Variants in TTLL5 observed in about 807,000 individuals in gnomAD.
TTLL5 encodes the protein tubulin polyglutamylase TTLL5.
Under a neutral mutation model 168.4 loss-of-function variants are expected in TTLL5, and 132 were observed. That is an observed-to-expected ratio of 0.78 (90% CI 0.68 to 0.91). TTLL5 has a LOEUF of 0.91. Among genes scored for constraint, TTLL5 ranks in the 40% least tolerant of loss-of-function variants. The probability of loss-of-function intolerance (pLI) is 0.00; values close to 1 mark genes in which losing one functional copy is unlikely to be tolerated. For missense variants in TTLL5, 1,545 were observed against 1,581.5 expected, an observed-to-expected ratio of 0.98 and a Z score of 0.39; for synonymous variants, 546 against 558.6, an observed-to-expected ratio of 0.98 and a Z score of 0.32.
chr14:75,845,467 T>C (rs1039288942), intron 28 of TTLL5, among the ~76,000 whole-genome samples: 10 of 152,204 alleles, frequency 6.6e-5, no homozygotes, highest in African/African-American at 2.4e-4. Flanking sequence ...AATTTTTATA[T>C]TGTTTGAAAT....
intron 31 of TTLL5, among the ~76,000 whole-genome samples, chr14:75,950,791 A>G (rs4243649): frequency 0.79 from 119,650 of 151,934 alleles, 47,154 homozygotes; most frequent in Admixed American, 0.83. Context: ...AACATAGGGA[A>G]ACCTTGTCTC....
chr14:75,681,744 G>GCAT, intron 4 of TTLL5, 117 bp downstream of exon 4: 1 of 787,500 alleles, frequency 1.3e-6, no homozygotes, highest in Non-Finnish European at 2.1e-6. Context: ...CCAATGCTTA[G>GCAT]TGGTGGTCCA....
At position 75,954,478 on chromosome 14, in the gene TTLL5, C is replaced by T. The variant is rs764459923; in HGVS notation, c.*32C>T. 1.2e-6 allele frequency: 2 copies of T among 1,612,854 alleles called. No homozygotes were observed. The highest frequency in any genetic ancestry group is 1.3e-5 in the African/African-American group (1 of 74,968). On this transcript the variant is annotated 3_prime_UTR_variant, in exon 32 of 32. Coordinates refer to ENST00000298832, the MANE Select transcript of TTLL5 (RefSeq NM_015072.5). ...AACACACAGAGAAACAACCTGTTCA[C>T]CACTCCTGGGTGCATGATTGAGGGT...
At chr14:75,829,762 A>T (rs993682338) in intron 28 of TTLL5, among the ~76,000 whole-genome samples, 2 of 152,188 alleles carry the variant, frequency 1.3e-5, no homozygotes, top group Non-Finnish European at 2.9e-5. Flanking sequence ...AAAAAAGAAG[A>T]TAATGTGCAA....
At chr14:75,869,821 A>ATTTTTTTTTTTTTTT (rs10658095) in intron 29 of TTLL5, among the ~76,000 whole-genome samples, 2,115 of 82,306 alleles carry the variant, frequency 0.026, 400 homozygotes, top group East Asian at 0.034. Flanking sequence ...TTCAACAAGT[A>ATTTTTTTTTTTTTTT]TTTTTTTTTT....
intron 30 of TTLL5, among the ~76,000 whole-genome samples, chr14:75,884,203 ACT>A (rs1358581589): frequency 4.6e-5 from 7 of 152,096 alleles, no homozygotes; most frequent in African/African-American, 1.4e-4. Flanking sequence ...CTAAAACCAC[ACT>A]CTCCTTCACA....
At position 75,910,613 on chromosome 14, in the gene TTLL5, A is replaced by C. The variant is rs796843751; in HGVS notation, c.3823+8389A>C. Among the ~76,000 whole-genome samples the C allele has an allele frequency of 6.6e-5, 10 of 152,326 alleles. 1 individual carries two copies. Among genetic ancestry groups the C allele is most frequent in the African/African-American group, 2.4e-4 (10 of 41,588 alleles). ...TTCTAAAGAAAGAAAATGACATGCTAAGCCACGCCTGTCTTTGGAAAAAGC... is the reference window on the plus strand; with the variant it reads ...TTCTAAAGAAAGAAAATGACATGCTCAGCCACGCCTGTCTTTGGAAAAAGC... On this transcript the variant is annotated intron_variant, in intron 31 of 31. Transcript: ENST00000298832.
intron 7 of TTLL5, among the ~76,000 whole-genome samples, chr14:75,702,420 A>G (rs1367850510): frequency 6.6e-6 from 1 of 152,220 alleles, no homozygotes; most frequent in Non-Finnish European, 1.5e-5. Flanking sequence ...GCCAAATGGA[A>G]TTGCTATTGA....
chr14:75,935,005 T>C (rs1167421065), intron 31 of TTLL5, among the ~76,000 whole-genome samples: 1 of 152,170 alleles, frequency 6.6e-6, no homozygotes, highest in East Asian at 1.9e-4. Context: ...TAAGAACTAA[T>C]AGGAAGAACT....
chr14:75,937,359 C>T (rs1042348629), intron 31 of TTLL5, among the ~76,000 whole-genome samples: 17 of 151,782 alleles, frequency 1.1e-4, no homozygotes, highest in African/African-American at 3.4e-4. Flanking sequence ...AACTCCTGAC[C>T]TTGTGATCTA....
chr14:75,925,768 A>G (rs1425520643), intron 31 of TTLL5, among the ~76,000 whole-genome samples: 1 of 152,058 alleles, frequency 6.6e-6, no homozygotes, highest in Non-Finnish European at 1.5e-5. Context: ...ACCATTGAGC[A>G]CTGAGTGAAC....
intron 31 of TTLL5, among the ~76,000 whole-genome samples, chr14:75,952,065 A>G (rs912323278): frequency 1.2e-4 from 19 of 152,258 alleles, no homozygotes; most frequent in African/African-American, 4.6e-4. Context: ...TCTAAAATAC[A>G]TACAGAGCGC....
intron 31 of TTLL5, among the ~76,000 whole-genome samples, chr14:75,908,813 G>T (rs1242751926): frequency 6.6e-6 from 1 of 152,012 alleles, no homozygotes; most frequent in Non-Finnish European, 1.5e-5. Context: ...GTCTTGCTCT[G>T]TTGCACAAGC....
intron 2 of TTLL5, among the ~76,000 whole-genome samples, chr14:75,669,139 C>G (rs1464704935): frequency 6.6e-6 from 1 of 152,156 alleles, no homozygotes; most frequent in Non-Finnish European, 1.5e-5. Flanking sequence ...CTTATGGGCT[C>G]CAATTGGTTT....
chr14:75,720,626 TTAAGAC>T lies in TTLL5; in HGVS notation c.968_973del (p.Lys323_Thr324del), dbSNP rs926135196. The T allele has an allele frequency of 6.2e-7, 1 of 1,613,636 alleles. No homozygotes were observed. The highest frequency in any genetic ancestry group is 1.3e-5 in the African/African-American group (1 of 75,020). ...ATGGCCCATGTAGAAGACCTGATCATTAAGACTATAATCTCTGCTGAACTAGCTATT... is the reference window on the plus strand; with the variant it reads ...ATGGCCCATGTAGAAGACCTGATCATTATAATCTCTGCTGAACTAGCTATT... On this transcript the variant is annotated inframe_deletion, in exon 12 of 32. Coordinates refer to ENST00000298832, the MANE Select transcript of TTLL5 (RefSeq NM_015072.5).
At position 75,858,107 on chromosome 14, in the gene TTLL5, C is replaced by T. The variant is rs142323316; in HGVS notation, c.3327-5560C>T. 1.4e-3 allele frequency among the ~76,000 whole-genome samples: 207 copies of T among 152,156 alleles called. 5 individuals are homozygous for T. The East Asian group carries it at 0.033, about 25-fold the overall frequency. Reference sequence around the variant, plus strand: ...GTGCTATTATTGGACCTGGGGGCTGCGGAGAGGTTGGGAGGAGGGGGGATC... The same window carrying T: ...GTGCTATTATTGGACCTGGGGGCTGTGGAGAGGTTGGGAGGAGGGGGGATC... On this transcript the variant is annotated intron_variant, in intron 28 of 31. Coordinates refer to ENST00000298832, the MANE Select transcript of TTLL5 (RefSeq NM_015072.5).
At chr14:75,916,318 A>T (rs538639467) in intron 31 of TTLL5, among the ~76,000 whole-genome samples, 1 of 152,108 alleles carries the variant, frequency 6.6e-6, no homozygotes, top group East Asian at 1.9e-4. Flanking sequence ...TACTATGAAA[A>T]ACACTATGGT....
intron 6 of TTLL5, among the ~76,000 whole-genome samples, chr14:75,690,779 T>C (rs929100361): frequency 6.6e-6 from 1 of 151,960 alleles, no homozygotes; most frequent in Non-Finnish European, 1.5e-5. Flanking sequence ...ACCATTAGGC[T>C]CAGCTAATTT....
At position 75,735,178 on chromosome 14, in the gene TTLL5, G is replaced by C; in HGVS notation, c.1187-17G>C. 6.2e-7 allele frequency: 1 copy of C among 1,613,276 alleles called. No homozygotes were observed. Among genetic ancestry groups the C allele is most frequent in the Non-Finnish European group, 8.5e-7 (1 of 1,179,210 alleles). ...TTAGAAAATGGCAGGTTTTAATGTT[G>C]CCCATTCCCCATTCAGGATTTGTGT... On this transcript the variant is annotated splice_polypyrimidine_tract_variant and intron_variant, in intron 14 of 31. Transcript: ENST00000298832.
Sources: allele counts gnomAD v4.1 joint callset (sites outside exome capture counted in the v4.1 genomes callset), GRCh38; gene constraint gnomAD v4.1.1; transcripts MANE v1.5; gene names NCBI Gene and HGNC (gene_info 2026-07-23, HGNC 2026-07-21).